PROKR2: variants seen among roughly 807,000 people sequenced by gnomAD.
PROKR2 encodes prokineticin receptor 2, also known as G protein-coupled receptor 73-like 1.
In PROKR2, 26 loss-of-function variants were observed where a neutral mutation model predicts 23.4. The observed-to-expected ratio is 1.11, with a 90% CI of 0.81 to 1.54. The LOEUF (loss-of-function observed/expected upper bound fraction) is 1.54, where lower values mean the gene tolerates loss of function less well. PROKR2 is among the 40% of genes most tolerant of loss of function. The pLI is 0.00. For missense variants in PROKR2, 453 were observed against 511.5 expected, an observed-to-expected ratio of 0.89 and a Z score of 1.10; for synonymous variants, 212 against 201.2, an observed-to-expected ratio of 1.05 and a Z score of -0.45.
chr20:5,304,379 GT>G (rs1445325674), intron 2 of PROKR2, among the ~76,000 whole-genome samples: 1 of 152,228 alleles, frequency 6.6e-6, no homozygotes, highest in African/African-American at 2.4e-5. Context: ...TAGTGGGACT[GT>G]TAAAGAATGC....
rs760771834 is a variant in PROKR2, at chr20:5,302,019, C to T, written c.*21G>A. ...GCTCTGAGTACTGGACTGGGGTTTT[C>T]AATTGTGTGACACCAGTGGGTCACT... On this transcript the variant is annotated 3_prime_UTR_variant, in exon 3 of 3. Transcript: ENST00000678254. 1.9e-6 allele frequency: 3 copies of T among 1,608,194 alleles called. No individual in the cohort carries two copies. The highest frequency in any genetic ancestry group is 1.7e-4 in the Middle Eastern group (1 of 6,052).
chr20:5,304,629 G>A (rs1300654370), intron 2 of PROKR2, among the ~76,000 whole-genome samples: 1 of 152,180 alleles, frequency 6.6e-6, no homozygotes, highest in Non-Finnish European at 1.5e-5. Context: ...CCATAGAACA[G>A]CTTAGAGGAG....
Position 5,301,990 on chromosome 20 carries a change from T to A in PROKR2, c.*50A>T. The A allele has an allele frequency of 6.6e-7, 1 of 1,523,952 alleles. No individual in the cohort carries two copies. Among genetic ancestry groups the A allele is most frequent in the Non-Finnish European group, 9.1e-7 (1 of 1,104,574 alleles). 94.4% of individuals were successfully genotyped at this position (1,523,952 alleles called of 1,614,324 possible). Reference sequence around the variant, plus strand: ...GCCTATGAACTTGGTTGATGGTGGGTGATGCTCTGAGTACTGGACTGGGGT... The same window carrying A: ...GCCTATGAACTTGGTTGATGGTGGGAGATGCTCTGAGTACTGGACTGGGGT... On this transcript the variant is annotated 3_prime_UTR_variant, in exon 3 of 3. Transcript: ENST00000678254.
chr20:5,302,049 C>G lies in PROKR2; in HGVS notation c.1146G>C (p.Arg382Ser), dbSNP rs1444187780. The change falls in exon 3 of 3, where the codon AGG becomes AGC. Residue 382 changes from arginine (R) to serine (S), a missense_variant. Coordinates refer to ENST00000678254, the MANE Select transcript of PROKR2 (RefSeq NM_144773.4). ...GTGTGACACCAGTGGGTCACTTCAGCCTGATACAGTCCACCTCTTCTGTGG... is the reference window on the plus strand; with the variant it reads ...GTGTGACACCAGTGGGTCACTTCAGGCTGATACAGTCCACCTCTTCTGTGG... The part of the protein sequence containing the change: ...VPTTEEVDCI[R>S]LK The G allele has an allele frequency of 5.6e-6, 9 of 1,613,958 alleles. No individual in the cohort carries two copies. The highest frequency in any genetic ancestry group is 7.6e-6 in the Non-Finnish European group (9 of 1,179,908).
Position 5,316,139 on chromosome 20 carries a change from T to TC in PROKR2, c.-9+354dup, listed in dbSNP as rs1979663287. 2.2e-6 allele frequency: 1 copy of TC among 456,496 alleles called. No homozygotes were observed. The highest frequency in any genetic ancestry group is 4.4e-6 in the Non-Finnish European group (1 of 226,950). 28.3% of individuals were successfully genotyped at this position (456,496 alleles called of 1,614,324 possible). A position where few individuals can be genotyped will look rare whatever the true frequency, so the allele number is the denominator to read the frequency against. On this transcript the variant is annotated intron_variant, in intron 1 of 2. Transcript: ENST00000678254. This position sits in a 1 kb window ranked among gnomAD's most constrained non-coding sequence, Gnocchi z 5.0. ...GTGGAGGATGCGGTGCGCGGGAATTTCCCCACGGACGCTTGCTGTTTCCTG... is the reference window on the plus strand; with the variant it reads ...GTGGAGGATGCGGTGCGCGGGAATTTCCCCCACGGACGCTTGCTGTTTCCTG...
chr20:5,313,202 A>C (rs1979507163), intron 2 of PROKR2, among the ~76,000 whole-genome samples: 1 of 152,264 alleles, frequency 6.6e-6, no homozygotes, highest in Non-Finnish European at 1.5e-5. Context: ...CATAAAGGAA[A>C]GGAAAAAATA....
At position 5,316,598 on chromosome 20, in the gene PROKR2, C is replaced by T. The variant is rs1212677894; in HGVS notation, c.-113G>A. ...GGCCGCTCGGTTTTCACCTCGAGGA[C>T]CCGGACTTGCACTTGCAGAGCCGCT... On this transcript the variant is annotated 5_prime_UTR_variant, in exon 1 of 3. Coordinates refer to ENST00000678254, the MANE Select transcript of PROKR2 (RefSeq NM_144773.4). The surrounding 1 kb of genome is among the most constrained non-coding windows in gnomAD (Gnocchi z 5.0). 2.6e-5 allele frequency among the ~76,000 whole-genome samples: 4 copies of T among 152,234 alleles called. No homozygotes were observed. Among genetic ancestry groups the T allele is most frequent in the African/African-American group, 7.2e-5 (3 of 41,468 alleles).
chr20:5,315,235 G>GAATTCCATGCAAAAAAAAAAAAAA lies in PROKR2; in HGVS notation c.-8-859_-8-858insTTTTTTTTTTTTTTGCATGGAATT, dbSNP rs1330572086. ...CCCCGTTCTGTGGGAACCAGCTCCA[G>GAATTCCATGCAAAAAAAAAAAAAA]AAAGAAATCCTCTGCCGCCCTTCCC... On this transcript the variant is annotated intron_variant, in intron 1 of 2. Coordinates refer to ENST00000678254, the MANE Select transcript of PROKR2 (RefSeq NM_144773.4). Among the ~76,000 whole-genome samples, 8 of 150,178 alleles carry GAATTCCATGCAAAAAAAAAAAAAA rather than the reference G, an allele frequency of 5.3e-5. 1 individual carries two copies. Among genetic ancestry groups the GAATTCCATGCAAAAAAAAAAAAAA allele is most frequent in the South Asian group, 2.1e-4 (1 of 4,808 alleles).
Position 5,302,724 on chromosome 20 carries a change from GAT to G in PROKR2, c.469_470del (p.Ile157ArgfsTer142). On this transcript the variant is annotated frameshift_variant, in exon 3 of 3. Transcript: ENST00000678254. LOFTEE classifies it high-confidence loss of function. ...TCATCCGTGGTTTCAAGGGGTGAAC[GAT>G]GGCGAGATATCTGGTGGGGGAGGGA... ...LAIAIDRYLAIVHPLKPRMNY... is the reference protein window; with the variant it reads ...LAIAIDRYLAXVHPLKPRMNY... 1 of 1,613,566 alleles carries G rather than the reference GAT, an allele frequency of 6.2e-7. No individual in the cohort carries two copies. The highest frequency in any genetic ancestry group is 8.5e-7 in the Non-Finnish European group (1 of 1,179,506).
chr20:5,302,487 C>T lies in PROKR2; in HGVS notation c.708G>A (p.Val236=), dbSNP rs143615891. 11 of 1,614,070 alleles carry T rather than the reference C, an allele frequency of 6.8e-6. No individual in the cohort carries two copies. The highest frequency in any genetic ancestry group is 5.0e-5 in the Admixed American group (3 of 60,004). ...FIFGVEFVGP[V]VTMTLCYARI... ...TGGCATAGCACAGGGTCATGGTGAC[C>T]ACAGGGCCCACGAACTCGACACCAA... is the stretch of plus-strand genomic sequence containing the variant. The change falls in exon 3 of 3, where the codon GTG becomes GTA. Residue 236 remains valine, a synonymous_variant. Coordinates refer to ENST00000678254, the MANE Select transcript of PROKR2 (RefSeq NM_144773.4).
rs1228255919 is a variant in PROKR2 at position 5,316,254 on chromosome 20, G to T, written c.-9+240C>A. 4 of 456,514 alleles carry T rather than the reference G, an allele frequency of 8.8e-6. No homozygotes were observed. Among genetic ancestry groups the T allele is most frequent in the Non-Finnish European group, 1.8e-5 (4 of 226,942 alleles). 28.3% of individuals were successfully genotyped at this position (456,514 alleles called of 1,614,324 possible). ...GCTCAGCTACCCGCTGGCTCCCTCT[G>T]CCCGCGCCCGCACACCACAGACTCC... On this transcript the variant is annotated intron_variant, in intron 1 of 2. Coordinates refer to ENST00000678254, the MANE Select transcript of PROKR2 (RefSeq NM_144773.4). This position sits in a 1 kb window ranked among gnomAD's most constrained non-coding sequence, Gnocchi z 5.0.
At chr20:5,312,182 C>T (rs578070405) in intron 2 of PROKR2, among the ~76,000 whole-genome samples, 17 of 152,298 alleles carry the variant, frequency 1.1e-4, no homozygotes, top group Admixed American at 3.3e-4. Flanking sequence ...TCTTGGCTCA[C>T]GGCAACCTCC....
At position 5,316,003 on chromosome 20, in the gene PROKR2, A is replaced by T. The variant is rs1019689791; in HGVS notation, c.-9+491T>A. 4.4e-6 allele frequency: 2 copies of T among 456,520 alleles called. No individual in the cohort carries two copies. The highest frequency in any genetic ancestry group is 2.0e-5 in the African/African-American group (1 of 50,072). The allele number at this position is 456,520 out of a possible 1,614,324, so 28.3% of individuals were successfully genotyped here. On this transcript the variant is annotated intron_variant, in intron 1 of 2. Transcript: ENST00000678254. This position sits in a 1 kb window ranked among gnomAD's most constrained non-coding sequence, Gnocchi z 5.0. Reference sequence around the variant, plus strand: ...CTTCCCGCCCCATCAACGCGGCCGCACTGTCGGCGTCTAGAGGCGACATCC... The same window carrying T: ...CTTCCCGCCCCATCAACGCGGCCGCTCTGTCGGCGTCTAGAGGCGACATCC...
At chr20:5,308,678 G>A (rs920229308) in intron 2 of PROKR2, among the ~76,000 whole-genome samples, 2 of 152,150 alleles carry the variant, frequency 1.3e-5, no homozygotes, top group African/African-American at 4.8e-5. Context: ...TAGCGCTGCT[G>A]GGGTAGGGTC....
Position 5,301,525 on chromosome 20 carries a change from C to A in PROKR2, c.*515G>T, listed in dbSNP as rs1978986871. Among the ~76,000 whole-genome samples the A allele has an allele frequency of 6.6e-6, 1 of 152,240 alleles. No homozygotes were observed. The highest frequency in any genetic ancestry group is 1.5e-5 in the Non-Finnish European group (1 of 68,028). On this transcript the variant is annotated 3_prime_UTR_variant, in exon 3 of 3. Coordinates refer to ENST00000678254, the MANE Select transcript of PROKR2 (RefSeq NM_144773.4). ...GGATTACAGGCATGAGCCATCATGCCTGGCCTATAGCCTTTTGATATTCCT... is the reference window on the plus strand; with the variant it reads ...GGATTACAGGCATGAGCCATCATGCATGGCCTATAGCCTTTTGATATTCCT...
In PROKR2 at chr20:5,302,631, C is replaced by CGAT. The variant is rs773179718; in HGVS notation, c.561_563dup (p.Ser188dup). 2 of 1,614,100 alleles carry CGAT rather than the reference C, an allele frequency of 1.2e-6. No individual in the cohort carries two copies. Among genetic ancestry groups the CGAT allele is most frequent in the South Asian group, 2.2e-5 (2 of 91,086 alleles). On this transcript the variant is annotated inframe_insertion, in exon 3 of 3. Coordinates refer to ENST00000678254, the MANE Select transcript of PROKR2 (RefSeq NM_144773.4). ...GGACCGTTTCTGTTGCAAAGTAAGC[C>CGAT]GATGGGATGGCAATGAGAATGGACA...
intron 2 of PROKR2, among the ~76,000 whole-genome samples, chr20:5,313,329 GTTATC>G (rs1429232080): frequency 1.3e-5 from 2 of 152,168 alleles, no homozygotes; most frequent in South Asian, 2.1e-4. Flanking sequence ...AACAAACCCT[GTTATC>G]TTATTTTAAA....
intron 2 of PROKR2, among the ~76,000 whole-genome samples, chr20:5,311,332 C>T (rs548991821): frequency 2.9e-4 from 44 of 152,146 alleles, no homozygotes; most frequent in Admixed American, 2.0e-3. Context: ...CCTGCTTGGA[C>T]GGCTGAGAGA....
chr20:5,307,393 T>C (rs1040369539), intron 2 of PROKR2, among the ~76,000 whole-genome samples: 1 of 152,172 alleles, frequency 6.6e-6, no homozygotes, highest in Admixed American at 6.5e-5. Context: ...CTGGATATAA[T>C]CACTCTATGA....
Sources: gnomAD v4.1 joint callset for allele counts (sites outside exome capture counted in the v4.1 genomes callset) on GRCh38, gnomAD v4.1.1 for gene constraint, Gnocchi (gnomAD v3.1) non-coding constraint, MANE v1.5 for transcripts, NCBI Gene and HGNC (gene_info 2026-07-23, HGNC 2026-07-21) for gene names.